Variants in THSD4 observed in about 807,000 individuals in gnomAD.
THSD4 encodes the protein thrombospondin type-1 domain-containing protein 4.
In THSD4, 69 loss-of-function variants were observed where a neutral mutation model predicts 119.0. The observed-to-expected ratio is 0.58, with a 90% CI of 0.48 to 0.71. The LOEUF (loss-of-function observed/expected upper bound fraction) is 0.71, where lower values mean the gene tolerates loss of function less well. THSD4 is among the 30% of genes least tolerant of loss of function. The pLI, the probability that THSD4 is intolerant of heterozygous loss-of-function variation, is 0.00. For missense variants in THSD4, 1,393 were observed against 1,391.1 expected (o/e 1.00, Z -0.02); for synonymous variants, 524 against 540.4 (o/e 0.97, Z 0.42).
intron 8 of THSD4, among the ~76,000 whole-genome samples, chr15:71,698,299 C>T (rs528845134): frequency 6.6e-6 from 1 of 152,088 alleles, no homozygotes; most frequent in Non-Finnish European, 1.5e-5. Context: ...GAAGAATAAA[C>T]TCTATTAGAG....
intron 10 of THSD4, among the ~76,000 whole-genome samples, chr15:71,735,472 T>TCTC (rs1356932351): frequency 1.2e-3 from 173 of 144,884 alleles, no homozygotes; most frequent in African/African-American, 2.9e-3. Flanking sequence ...CTCTCTCTCT[T>TCTC]TCTCACTAGC....
intron 4 of THSD4, among the ~76,000 whole-genome samples, chr15:71,230,239 G>A (rs1420887625): frequency 6.6e-6 from 1 of 152,066 alleles, no homozygotes; most frequent in Non-Finnish European, 1.5e-5. Context: ...AGTCCTGGAG[G>A]GCCACACAGG....
Position 71,287,816 on chromosome 15 carries a change from C to T in THSD4, c.1015+31101C>T, listed in dbSNP as rs535953671. On this transcript the variant is annotated intron_variant, in intron 6 of 17. Coordinates refer to ENST00000261862, the MANE Select transcript of THSD4 (RefSeq NM_024817.3). ...TCTGAGCTGGTAGAGTTGGGTGCAG[C>T]TCTTCTTGGATTGATAAACCATGTT... is the stretch of plus-strand genomic sequence containing the variant. Among the ~76,000 whole-genome samples the T allele has an allele frequency of 4.5e-4, 68 of 152,290 alleles. 3 individuals are homozygous for T. In the South Asian group the frequency reaches 0.014, roughly 31 times the overall value.
Position 71,411,755 on chromosome 15 carries a change from G to GA in THSD4, c.1085dup (p.Lys363GlufsTer9). The GA allele has an allele frequency of 6.2e-7, 1 of 1,614,150 alleles. No homozygotes were observed. Among genetic ancestry groups the GA allele is most frequent in the Non-Finnish European group, 8.5e-7 (1 of 1,180,016 alleles). On this transcript the variant is annotated frameshift_variant, in exon 7 of 18. Coordinates refer to ENST00000261862, the MANE Select transcript of THSD4 (RefSeq NM_024817.3). LOFTEE classifies it high-confidence loss of function. The stretch of plus-strand genomic sequence containing the variant: ...CTACCGCTTCTATGTACGGCAAGCT[G>GA]AGAAAGTCATCGATGGCACCCCCTG...
intron 3 of THSD4, among the ~76,000 whole-genome samples, chr15:71,164,268 CAAG>C (rs1490366446): frequency 6.6e-6 from 1 of 151,000 alleles, no homozygotes; most frequent in Non-Finnish European, 1.5e-5. Flanking sequence ...AGCTTCCCCT[CAAG>C]AAGAAAAATT....
chr15:71,741,684 TACACAC>T (rs56080459), intron 11 of THSD4, among the ~76,000 whole-genome samples: 9,860 of 145,722 alleles, frequency 0.068, 350 homozygotes, highest in South Asian at 0.15. Context: ...TGTGTGCATG[TACACAC>T]ACACACACAC....
Position 71,569,206 on chromosome 15 carries a change from T to G in THSD4, c.1153-91324T>G, listed in dbSNP as rs539938560. ...CGGAGATTCTGCCCTCTGATATTCA[T>G]GGATGTGAGTGCTGACCCACACGGA... On this transcript the variant is annotated intron_variant, in intron 7 of 17. Transcript: ENST00000261862. Among the ~76,000 whole-genome samples, 6 of 152,306 alleles carry G rather than the reference T, an allele frequency of 3.9e-5. No homozygotes were observed. The South Asian group carries it at 1.2e-3, about 32-fold the overall frequency.
intron 7 of THSD4, among the ~76,000 whole-genome samples, chr15:71,596,909 G>T (rs1262481418): frequency 6.6e-6 from 1 of 152,206 alleles, no homozygotes; most frequent in African/African-American, 2.4e-5. Context: ...AGCAGCCAAA[G>T]AGGGCGTGTG....
intron 4 of THSD4, among the ~76,000 whole-genome samples, chr15:71,216,845 T>G (rs2043937111): frequency 6.6e-6 from 1 of 152,184 alleles, no homozygotes; most frequent in South Asian, 2.1e-4. Flanking sequence ...TCACCCAGGT[T>G]GGAGTGCAGT....
intron 7 of THSD4, among the ~76,000 whole-genome samples, chr15:71,535,149 C>T (rs564491588): frequency 2.0e-5 from 3 of 152,188 alleles, no homozygotes; most frequent in South Asian, 2.1e-4. Flanking sequence ...TCACCCTCCT[C>T]GGGCCTGTGA....
chr15:71,526,321 G>A (rs1429778063), intron 7 of THSD4, among the ~76,000 whole-genome samples: 1 of 152,140 alleles, frequency 6.6e-6, no homozygotes, highest in Admixed American at 6.5e-5. Flanking sequence ...GGTCTCTTAA[G>A]CCTCTAAATA....
chr15:71,235,713 C>G (rs555694594), intron 4 of THSD4, among the ~76,000 whole-genome samples: 1 of 151,900 alleles, frequency 6.6e-6, no homozygotes, highest in South Asian at 2.1e-4. Context: ...CAGCCTCTCC[C>G]GAGTAGCTGG....
intron 7 of THSD4, among the ~76,000 whole-genome samples, chr15:71,413,235 A>G (rs1252596064): frequency 6.6e-6 from 1 of 151,786 alleles, no homozygotes; most frequent in African/African-American, 2.4e-5. Context: ...CTGGTCTTGA[A>G]CCCCTGACCT....
chr15:71,762,724 A>T (rs912318216), intron 15 of THSD4, among the ~76,000 whole-genome samples: 28 of 152,334 alleles, frequency 1.8e-4, no homozygotes, highest in African/African-American at 6.7e-4. Context: ...ATACACTCCA[A>T]ATCATAAACT....
chr15:71,188,282 A>C (rs1434454537), intron 3 of THSD4, among the ~76,000 whole-genome samples: 1 of 152,138 alleles, frequency 6.6e-6, no homozygotes, highest in Non-Finnish European at 1.5e-5. Context: ...GACTCAAAAA[A>C]GGGGAGAGAG....
At chr15:71,485,699 G>A (rs560109918) in intron 7 of THSD4, among the ~76,000 whole-genome samples, 13 of 151,500 alleles carry the variant, frequency 8.6e-5, no homozygotes, top group Non-Finnish European at 1.8e-4. Context: ...AAAAAAAAGA[G>A]AGAGAATAAA....
intron 14 of THSD4, among the ~76,000 whole-genome samples, chr15:71,751,205 C>T (rs933040385): frequency 6.6e-6 from 1 of 152,308 alleles, no homozygotes; most frequent in Non-Finnish European, 1.5e-5. Flanking sequence ...TGAACTCATT[C>T]GTGTTCTCAG....
Position 71,334,577 on chromosome 15 carries a change from AC to A in THSD4, c.1016-77107del, listed in dbSNP as rs1175627296. 7.2e-5 allele frequency among the ~76,000 whole-genome samples: 11 copies of A among 152,300 alleles called. No individual in the cohort carries two copies. The South Asian group carries it at 2.3e-3, about 32-fold the overall frequency. ...AGTTGGTGCATGGCTGTCACCCAGG[AC>A]CCATGGACAATCCCCAAGGGCCAAA... On this transcript the variant is annotated intron_variant, in intron 6 of 17. Coordinates refer to ENST00000261862, the MANE Select transcript of THSD4 (RefSeq NM_024817.3).
chr15:71,344,869 T>C (rs187788526), intron 6 of THSD4, among the ~76,000 whole-genome samples: 1 of 152,176 alleles, frequency 6.6e-6, no homozygotes, highest in Admixed American at 6.5e-5. Flanking sequence ...GTACTCTCCA[T>C]GTCTGTGTCT....
Sources: gnomAD v4.1 joint callset for allele counts (sites outside exome capture counted in the v4.1 genomes callset) on GRCh38, gnomAD v4.1.1 for gene constraint, MANE v1.5 for transcripts, NCBI Gene and HGNC (gene_info 2026-07-23, HGNC 2026-07-21) for gene names.